NIPSNAP3A: variants seen among roughly 807,000 people sequenced by gnomAD.
The protein encoded by NIPSNAP3A is nipsnap homolog 3A.
Under a neutral mutation model 32.3 loss-of-function variants are expected in NIPSNAP3A, and 27 were observed. The ratio of observed to expected loss-of-function variants is 0.84; its 90% CI spans 0.62 to 1.15. The LOEUF (loss-of-function observed/expected upper bound fraction) is 1.15. NIPSNAP3A is among the 50% of genes most tolerant of loss of function. The probability of loss-of-function intolerance (pLI) is 0.00; values close to 1 mark genes in which losing one functional copy is unlikely to be tolerated. For synonymous variants in NIPSNAP3A, 108 were observed against 107.3 expected (o/e 1.01, Z -0.04); for missense variants, 278 against 297.2 (o/e 0.94, Z 0.48).
chr9:104,748,328 C>G (rs1827803632), intron 1 of NIPSNAP3A, among the ~76,000 whole-genome samples: 1 of 152,126 alleles, frequency 6.6e-6, no homozygotes, highest in Non-Finnish European at 1.5e-5. Flanking sequence ...CGGAACCGGC[C>G]TCCCCCTTTT....
At chr9:104,756,111 A>G (rs564275086) in intron 4 of NIPSNAP3A, among the ~76,000 whole-genome samples, 86 of 152,332 alleles carry the variant, frequency 5.6e-4, no homozygotes, top group South Asian at 4.4e-3. Flanking sequence ...AATAGAATAT[A>G]TAAAAACAGA....
intron 4 of NIPSNAP3A, among the ~76,000 whole-genome samples, chr9:104,756,182 A>G (rs1262230616): frequency 1.3e-5 from 2 of 152,218 alleles, no homozygotes; most frequent in African/African-American, 2.4e-5. Context: ...TTAGATGCCT[A>G]TCTCACACCA....
At position 104,754,677 on chromosome 9, in the gene NIPSNAP3A, C is replaced by T. The variant is rs764908487; in HGVS notation, c.557C>T (p.Thr186Ile). Residue 186 changes from threonine to isoleucine, a missense_variant, in exon 4 of 6, where the codon ACA becomes ATA. Transcript: ENST00000374767. ...ACAAAACTAGTTGGAGTGTTCCACA[C>T]AGAGTACGGAGCACTCAACAGAGGT... ...GYTKLVGVFH[T>I]EYGALNRVHV... 1 of 1,613,728 alleles carries T rather than the reference C, an allele frequency of 6.2e-7. No homozygotes were observed. The highest frequency in any genetic ancestry group is 8.5e-7 in the Non-Finnish European group (1 of 1,179,758).
At chr9:104,756,964 C>T (rs915354892) in intron 4 of NIPSNAP3A, among the ~76,000 whole-genome samples, 3 of 151,712 alleles carry the variant, frequency 2.0e-5, no homozygotes, top group Non-Finnish European at 4.4e-5. Flanking sequence ...CCACCATGCC[C>T]AGCTAATTTT....
chr9:104,754,544 A>G lies in NIPSNAP3A; in HGVS notation c.431-7A>G, dbSNP rs142549294. 1.2e-6 allele frequency: 2 copies of G among 1,613,206 alleles called. No homozygotes were observed. The highest frequency in any genetic ancestry group is 2.7e-5 in the African/African-American group (2 of 74,998). On this transcript the variant is annotated splice_region_variant and splice_polypyrimidine_tract_variant and intron_variant, in intron 3 of 5. Transcript: ENST00000374767. ...TTTCTGAAAAATTCTTTTTCTCCCT[A>G]TTCCAGGAGTCTATGAACTGGCCAC... is the stretch of plus-strand genomic sequence containing the variant.
At chr9:104,752,279 T>C (rs1827856039) in intron 2 of NIPSNAP3A, among the ~76,000 whole-genome samples, 1 of 152,180 alleles carries the variant, frequency 6.6e-6, no homozygotes, top group African/African-American at 2.4e-5. Context: ...GAATCAGCAT[T>C]ATTTCTTTGA....
At position 104,758,953 on chromosome 9, in the gene NIPSNAP3A, A is replaced by G. The variant is rs561932087; in HGVS notation, c.581-132A>G. ...CCACTGCACTCCAGCCTAGGTGACA[A>G]GAGTGAAACTCTTGTTTCAAAAAAA... On this transcript the variant is annotated intron_variant, in intron 4 of 5. Transcript: ENST00000374767. 6 of 1,008,204 alleles carry G rather than the reference A, an allele frequency of 6.0e-6. No homozygotes were observed. In the African/African-American group the frequency reaches 1.0e-4, roughly 17 times the overall value. The allele number at this position is 1,008,204 out of a possible 1,614,324, so 62.5% of individuals were successfully genotyped here.
intron 4 of NIPSNAP3A, among the ~76,000 whole-genome samples, chr9:104,758,371 A>G (rs1827929781): frequency 6.6e-6 from 1 of 152,084 alleles, no homozygotes; most frequent in African/African-American, 2.4e-5. Flanking sequence ...ACCACTTTCA[A>G]TTTTCTTCTT....
chr9:104,751,376 C>T lies in NIPSNAP3A; in HGVS notation c.271+210C>T, dbSNP rs564465515. ...GTACACCTCTAACCCCTTGCTTAAA[C>T]ATTACATTATATTACATTATAAATT... is the stretch of plus-strand genomic sequence containing the variant. On this transcript the variant is annotated intron_variant, in intron 2 of 5. Transcript: ENST00000374767. Among the ~76,000 whole-genome samples the T allele has an allele frequency of 1.7e-4, 26 of 152,280 alleles. 1 individual carries two copies. The highest frequency in any genetic ancestry group is 1.7e-3 in the South Asian group (8 of 4,818).
rs139649114 is a variant in NIPSNAP3A at position 104,752,956 on chromosome 9, G to A, written c.322G>A (p.Glu108Lys). The A allele has an allele frequency of 4.3e-6, 7 of 1,613,068 alleles. No individual in the cohort carries two copies. The highest frequency in any genetic ancestry group is 5.9e-6 in the Non-Finnish European group (7 of 1,179,226). Residue 108 changes from glutamate (E) to lysine (K), a missense_variant, in exon 3 of 6, where the codon GAA (glutamate) becomes AAA (lysine). Glu to Lys is a moderately conservative substitution (Grantham distance 56). Coordinates refer to ENST00000374767, the MANE Select transcript of NIPSNAP3A (RefSeq NM_015469.3). ...EVRKALAKDK[E>K]WQEQFLIPNL... ...TCGGAAAGCCTTGGCCAAAGATAAG[G>A]AATGGCAAGAACAATTCCTCATTCC... is the stretch of plus-strand genomic sequence containing the variant.
In NIPSNAP3A at chr9:104,752,988, G is replaced by A. The variant is rs1737416783; in HGVS notation, c.354G>A (p.Leu118=). ...EWQEQFLIPN[L]ALIDKQESEI... The stretch of plus-strand genomic sequence containing the variant: ...AAGAACAATTCCTCATTCCAAATTT[G>A]GCTCTCATTGATAAACAAGAGAGTG... Residue 118 remains leucine, a synonymous_variant, in exon 3 of 6, where the codon TTG becomes TTA. Coordinates refer to ENST00000374767, the MANE Select transcript of NIPSNAP3A (RefSeq NM_015469.3). 1 of 1,612,724 alleles carries A rather than the reference G, an allele frequency of 6.2e-7. No homozygotes were observed.
intron 3 of NIPSNAP3A, 100 bp from the exon 4 acceptor site, chr9:104,754,451 C>A: frequency 1.0e-6 from 1 of 989,164 alleles, no homozygotes; most frequent in East Asian, 2.4e-5. Context: ...GTCTGATCCT[C>A]CAAATCTGTG....
intron 1 of NIPSNAP3A, 88 bp from the exon 2 acceptor site, chr9:104,750,867 GT>G: frequency 1.0e-6 from 1 of 998,882 alleles, no homozygotes; most frequent in Non-Finnish European, 1.6e-6. Flanking sequence ...GTCTATGAGT[GT>G]CCCTTGTACC....
Position 104,759,485 on chromosome 9 carries a change from T to C in NIPSNAP3A, c.*147T>C. The C allele has an allele frequency of 1.3e-6, 1 of 748,312 alleles. No homozygotes were observed. Among genetic ancestry groups the C allele is most frequent in the Non-Finnish European group, 2.2e-6 (1 of 453,956 alleles). 46.4% of individuals were successfully genotyped at this position (748,312 alleles called of 1,614,324 possible). On this transcript the variant is annotated 3_prime_UTR_variant, in exon 6 of 6. Transcript: ENST00000374767. ...TTTCTTGCATTATGAAGGCTACATC[T>C]GTGCTTTGTAAGTACCACTTCAAAA... is the stretch of plus-strand genomic sequence containing the variant.
chr9:104,758,686 G>A (rs58424857), intron 4 of NIPSNAP3A, among the ~76,000 whole-genome samples: 9,773 of 151,728 alleles, frequency 0.064, 936 homozygotes, highest in African/African-American at 0.21. Context: ...TTGGCCAAGC[G>A]CGGTGGCTCA....
chr9:104,758,903 G>C (rs1827938151), intron 4 of NIPSNAP3A, among the ~76,000 whole-genome samples, 182 bp from the exon 5 acceptor site: 1 of 135,976 alleles, frequency 7.4e-6, no homozygotes, highest in Non-Finnish European at 1.5e-5. Context: ...CCAGGAGGCA[G>C]ATGTTGCAGT....
At chr9:104,754,783 A>T (rs1313875795) in intron 4 of NIPSNAP3A, 83 bp downstream of exon 4, 2 of 1,090,868 alleles carry the variant, frequency 1.8e-6, no homozygotes, top group East Asian at 5.0e-5. Context: ...TTCTCATTAT[A>T]GAGTATGTTT....
At chr9:104,747,938 C>T (rs1827796309) in intron 1 of NIPSNAP3A, 86 bp downstream of exon 1, 2 of 1,297,426 alleles carry the variant, frequency 1.5e-6, no homozygotes, top group Non-Finnish European at 2.1e-6. Flanking sequence ...GCGAGCAATG[C>T]GCATGCGCTC....
chr9:104,747,860 C>T lies in NIPSNAP3A; in HGVS notation c.60+8C>T. 6.2e-7 allele frequency: 1 copy of T among 1,606,148 alleles called. No individual in the cohort carries two copies. The highest frequency in any genetic ancestry group is 8.5e-7 in the Non-Finnish European group (1 of 1,178,018). On this transcript the variant is annotated splice_region_variant and intron_variant, in intron 1 of 5. Coordinates refer to ENST00000374767, the MANE Select transcript of NIPSNAP3A (RefSeq NM_015469.3). ...CGGACGCTGGCGCCTCAGGTACCGG[C>T]CACGGGGGTACCCAAGCCTTCACCC... is the stretch of plus-strand genomic sequence containing the variant.
Sources: gnomAD v4.1 joint callset for allele counts (sites outside exome capture counted in the v4.1 genomes callset) on GRCh38, gnomAD v4.1.1 for gene constraint, MANE v1.5 for transcripts, NCBI Gene and HGNC (gene_info 2026-07-23, HGNC 2026-07-21) for gene names.